TET3: variants seen among roughly 807,000 people sequenced by gnomAD.
TET3 encodes the protein tet methylcytosine dioxygenase 3.
TET3 carries 19 observed loss-of-function variants against 141.4 expected under a neutral mutation model. The ratio of observed to expected loss-of-function variants is 0.13; its 90% CI spans 0.09 to 0.20. The LOEUF (loss-of-function observed/expected upper bound fraction) is 0.20. Among genes scored for constraint, TET3 ranks in the 10% least tolerant of loss-of-function variants. The pLI is 1.00. For synonymous variants in TET3, 1,043 were observed against 980.9 expected, an observed-to-expected ratio of 1.06 and a Z score of -1.18; for missense variants, 1,874 against 2,356.9, an observed-to-expected ratio of 0.80 and a Z score of 4.24.
At chr2:74,025,571 A>G (rs1686297721) in intron 3 of TET3, among the ~76,000 whole-genome samples, 1 of 152,102 alleles carries the variant, frequency 6.6e-6, no homozygotes, top group Non-Finnish European at 1.5e-5. Context: ...CCCGGCCTGA[A>G]TGTAGGTTTT....
At chr2:74,055,134 A>G (rs1688144964) in intron 4 of TET3, among the ~76,000 whole-genome samples, 5 of 152,086 alleles carry the variant, frequency 3.3e-5, no homozygotes. Flanking sequence ...TCCTGGGCTC[A>G]AGCGATCCAC....
chr2:73,990,002 T>C (rs1388701148), intron 2 of TET3, among the ~76,000 whole-genome samples: 6 of 152,136 alleles, frequency 3.9e-5, no homozygotes, highest in Non-Finnish European at 8.8e-5. Flanking sequence ...TGGCACATAG[T>C]AGGTAATCAA....
At chr2:74,071,287 A>G (rs1243826036) in intron 4 of TET3, among the ~76,000 whole-genome samples, 1 of 152,108 alleles carries the variant, frequency 6.6e-6, no homozygotes, top group Non-Finnish European at 1.5e-5. Flanking sequence ...AGGCTTCAAC[A>G]TACAAATTTG....
Position 74,087,659 on chromosome 2 carries a change from TC to T in TET3, c.2680-168del, listed in dbSNP as rs1690235466. Among the ~76,000 whole-genome samples, 1 of 152,178 alleles carries T rather than the reference TC, an allele frequency of 6.6e-6. No homozygotes were observed. Among genetic ancestry groups the T allele is most frequent in the Admixed American group, 6.5e-5 (1 of 15,282 alleles). On this transcript the variant is annotated intron_variant, in intron 6 of 11. Transcript: ENST00000409262. This position sits in a 1 kb window ranked among gnomAD's most constrained non-coding sequence, Gnocchi z 4.3. ...GTTCCTAATAATGTTCCCTATTTGT[TC>T]CCTAATAATGGTCTCTTAGCTTGTA...
chr2:74,033,260 G>A (rs554103883), intron 3 of TET3, among the ~76,000 whole-genome samples: 3 of 152,288 alleles, frequency 2.0e-5, no homozygotes, highest in Admixed American at 2.0e-4. Context: ...ATCACGCAGA[G>A]GATAAGCACT....
Position 74,092,843 on chromosome 2 carries a change from G to A in TET3, c.3040-59G>A, listed in dbSNP as rs191210437. On this transcript the variant is annotated intron_variant, in intron 8 of 11. Transcript: ENST00000409262. ...CTTCAGGAATGCCAGTCCACTTCCA[G>A]GGTGCAGGGTCTGCCAGGCGGGGCT... The A allele has an allele frequency of 8.1e-5, 117 of 1,446,756 alleles. No homozygotes were observed. In the Admixed American group the frequency reaches 2.3e-3, roughly 28 times the overall value. The allele number at this position is 1,446,756 out of a possible 1,614,324, so 89.6% of individuals were successfully genotyped here.
Position 74,032,451 on chromosome 2 carries a change from CTGTGTGTGTGTGTGTGTGTG to C in TET3, c.361-13789_361-13770del, listed in dbSNP as rs61217149. Among the ~76,000 whole-genome samples, 220 of 71,950 alleles carry C rather than the reference CTGTGTGTGTGTGTGTGTGTG, an allele frequency of 3.1e-3. 8 individuals are homozygous for C. The highest frequency in any genetic ancestry group is 0.019 in the African/African-American group (169 of 8,814). 47.2% of individuals were successfully genotyped at this position (71,950 alleles called of 152,430 possible). On this transcript the variant is annotated intron_variant, in intron 3 of 11. Transcript: ENST00000409262. ...CAGCGGCTGCAAGAGGGGTGTGTCT[CTGTGTGTGTGTGTGTGTGTG>C]TGTGTGTGTGTGTGTGTGTGTGTGT...
At chr2:74,085,182 T>A (rs901196077) in intron 6 of TET3, among the ~76,000 whole-genome samples, 5 of 151,794 alleles carry the variant, frequency 3.3e-5, no homozygotes, top group Admixed American at 3.3e-4. Context: ...GGAGCACTCA[T>A]GTTTTTGGAG....
intron 6 of TET3, among the ~76,000 whole-genome samples, chr2:74,086,791 TAAAAAAAAAAA>T (rs33942081): frequency 1.1e-5 from 1 of 94,056 alleles, no homozygotes; most frequent in Non-Finnish European, 2.1e-5. Context: ...ACCCTGACTC[TAAAAAAAAAAA>T]AAAAAAAAAA....
intron 3 of TET3, among the ~76,000 whole-genome samples, chr2:74,038,545 G>A (rs183094737): frequency 1.3e-5 from 2 of 152,270 alleles, no homozygotes; most frequent in Admixed American, 6.5e-5. Context: ...CTTCTCTGGA[G>A]GCCCCTGTAG....
chr2:74,034,764 C>G (rs1265946111), intron 3 of TET3, among the ~76,000 whole-genome samples: 4 of 152,024 alleles, frequency 2.6e-5, no homozygotes, highest in Non-Finnish European at 4.4e-5. Flanking sequence ...TCTCCTGATG[C>G]ATGTGTACAA....
the TET3 span, among the ~76,000 whole-genome samples, chr2:74,120,247 T>G: frequency 1.3e-5 from 2 of 152,030 alleles, no homozygotes; most frequent in African/African-American, 4.8e-5. Flanking sequence ...CCATTCTCCT[T>G]GCCAGGCTGC....
chr2:74,105,146 A>G lies in TET3; in HGVS notation c.*2970A>G. On this transcript the variant is annotated 3_prime_UTR_variant, in exon 12 of 12. Transcript: ENST00000409262. ...CTAAAGATGATTAACAGACATTTTT[A>G]TCATGAGAAGAAAAATAAAGCCATT... 1 of 398,602 alleles carries G rather than the reference A, an allele frequency of 2.5e-6. No homozygotes were observed. The highest frequency in any genetic ancestry group is 4.4e-5 in the Admixed American group (1 of 22,738). 24.7% of individuals were successfully genotyped at this position (398,602 alleles called of 1,614,324 possible). A position where few individuals can be genotyped will look rare whatever the true frequency, so the allele number is the denominator to read the frequency against.
At chr2:74,124,235 CA>C in the TET3 span, among the ~76,000 whole-genome samples, 1 of 150,606 alleles carries the variant, frequency 6.6e-6, no homozygotes, top group East Asian at 2.0e-4. Flanking sequence ...AGCCCCCGCC[CA>C]GCCAGCCGCC....
intron 2 of TET3, among the ~76,000 whole-genome samples, chr2:73,987,048 CTT>C (rs1684065311): frequency 6.6e-6 from 1 of 152,126 alleles, no homozygotes; most frequent in African/African-American, 2.4e-5. Context: ...GCTTGGATGA[CTT>C]GGTCAGTGAG....
chr2:74,086,103 G>C (rs1045527069), intron 6 of TET3, among the ~76,000 whole-genome samples: 14 of 152,150 alleles, frequency 9.2e-5, no homozygotes, highest in Admixed American at 2.6e-4. Context: ...ATCCTGCGTG[G>C]AGTTCCCGCC....
chr2:74,093,284 C>A lies in TET3; in HGVS notation c.3130-245C>A, dbSNP rs1226442401. Among the ~76,000 whole-genome samples the A allele has an allele frequency of 6.6e-6, 1 of 152,176 alleles. No homozygotes were observed. The highest frequency in any genetic ancestry group is 2.4e-5 in the African/African-American group (1 of 41,458). On this transcript the variant is annotated intron_variant, in intron 9 of 11. Coordinates refer to ENST00000409262, the MANE Select transcript of TET3 (RefSeq NM_001287491.2). This position sits in a 1 kb window ranked among gnomAD's most constrained non-coding sequence, Gnocchi z 4.2. ...GCCCGAGTTTCTCTCACCTGTCACC[C>A]TTGTATCTCCTAGACAAGGCAAGGG...
chr2:74,036,532 T>C (rs1687071673), intron 3 of TET3, among the ~76,000 whole-genome samples: 1 of 152,212 alleles, frequency 6.6e-6, no homozygotes, highest in South Asian at 2.1e-4. Context: ...ACTTTTACAT[T>C]TCCAGTGAAA....
the TET3 span, among the ~76,000 whole-genome samples, chr2:74,134,067 A>C: frequency 6.6e-6 from 1 of 152,056 alleles, no homozygotes; most frequent in East Asian, 1.9e-4. Context: ...GAAGATCACC[A>C]TATTGAGCCC....
Sources: gnomAD v4.1 joint callset for allele counts (sites outside exome capture counted in the v4.1 genomes callset) on GRCh38, gnomAD v4.1.1 for gene constraint, Gnocchi (gnomAD v3.1) non-coding constraint, MANE v1.5 for transcripts, NCBI Gene and HGNC (gene_info 2026-07-23, HGNC 2026-07-21) for gene names.